The following CDH13 variants were observed in gnomAD, a reference collection of about 807,000 sequenced individuals.
CDH13 encodes cadherin 13.
In CDH13, 24 loss-of-function variants were observed where a neutral mutation model predicts 63.8. The ratio of observed to expected loss-of-function variants is 0.38; its 90% CI spans 0.27 to 0.53. CDH13 has a LOEUF of 0.53. CDH13 is among the 20% of genes least tolerant of loss of function. The pLI is 0.85. For synonymous variants in CDH13, 503 were observed against 355.3 expected, an observed-to-expected ratio of 1.42 and a Z score of -4.67; for missense variants, 1,049 against 903.1, an observed-to-expected ratio of 1.16 and a Z score of -2.07.
At chr16:83,262,084 G>A (rs1331509304) in intron 5 of CDH13, among the ~76,000 whole-genome samples, 1 of 152,174 alleles carries the variant, frequency 6.6e-6, no homozygotes, top group Non-Finnish European at 1.5e-5. Context: ...ATGATTAATA[G>A]CCGTGGAGTT....
rs575784872 is a variant in CDH13, at chr16:83,511,383, A to T, written c.960+24728A>T. On this transcript the variant is annotated intron_variant, in intron 7 of 13. Transcript: ENST00000567109. Reference sequence around the variant, plus strand: ...AGGCTGAAGCAGGAAGATTGCTTGAACCAGGGAGGCCAAGGTTGCAGTGAG... The same window carrying T: ...AGGCTGAAGCAGGAAGATTGCTTGATCCAGGGAGGCCAAGGTTGCAGTGAG... 2.6e-5 allele frequency among the ~76,000 whole-genome samples: 4 copies of T among 151,994 alleles called. No homozygotes were observed. In the East Asian group the frequency reaches 5.8e-4, roughly 22 times the overall value.
At chr16:82,776,940 A>G (rs1296849472) in intron 1 of CDH13, among the ~76,000 whole-genome samples, 1 of 152,324 alleles carries the variant, frequency 6.6e-6, no homozygotes, top group South Asian at 2.1e-4. Context: ...TGTGCCAGAT[A>G]CTATGCTTTT....
rs77903116 is a variant in CDH13, at chr16:82,815,495, A to T, written c.46-42867A>T. On this transcript the variant is annotated intron_variant, in intron 1 of 13. Coordinates refer to ENST00000567109, the MANE Select transcript of CDH13 (RefSeq NM_001257.5). ...AGGTGCTCAGAACAATGCGTGGAAC[A>T]TGGAAAACACTCCCTACATGGGAGA... is the stretch of plus-strand genomic sequence containing the variant. Among the ~76,000 whole-genome samples the T allele has an allele frequency of 3.1e-3, 467 of 152,330 alleles. 4 individuals carry two copies. The highest frequency in any genetic ancestry group is 0.011 in the African/African-American group (454 of 41,572).
intron 5 of CDH13, among the ~76,000 whole-genome samples, chr16:83,337,405 T>A (rs2090622318): frequency 6.6e-6 from 1 of 152,112 alleles, no homozygotes; most frequent in East Asian, 1.9e-4. Context: ...AGCCCCTTTT[T>A]TCCTCCCATT....
chr16:83,760,541 G>A (rs1913879358), intron 11 of CDH13, among the ~76,000 whole-genome samples: 1 of 152,206 alleles, frequency 6.6e-6, no homozygotes, highest in Admixed American at 6.5e-5. Context: ...ACAACATCAT[G>A]GGTGAATCTC....
At chr16:83,119,201 A>C (rs532847873) in intron 3 of CDH13, among the ~76,000 whole-genome samples, 7 of 152,114 alleles carry the variant, frequency 4.6e-5, no homozygotes, top group Non-Finnish European at 1.0e-4. Context: ...TTTTTCTGCT[A>C]CGCTGACTAA....
chr16:82,639,147 A>G (rs1203036653), intron 1 of CDH13, among the ~76,000 whole-genome samples: 1 of 152,024 alleles, frequency 6.6e-6, no homozygotes. Flanking sequence ...CACTCCCCTC[A>G]TTATATAAAA....
intron 5 of CDH13, among the ~76,000 whole-genome samples, chr16:83,260,089 A>C (rs1240362049): frequency 7.9e-6 from 1 of 125,996 alleles, no homozygotes; most frequent in African/African-American, 2.9e-5. Flanking sequence ...GTAACCATGT[A>C]CCCCCAATAC....
At chr16:82,877,046 A>T (rs1407358453) in intron 2 of CDH13, among the ~76,000 whole-genome samples, 1 of 152,212 alleles carries the variant, frequency 6.6e-6, no homozygotes, top group Non-Finnish European at 1.5e-5. Context: ...ATTTATGAGA[A>T]CTCACTTCCA....
chr16:83,374,112 T>A (rs1380318021), intron 6 of CDH13, among the ~76,000 whole-genome samples: 2 of 152,202 alleles, frequency 1.3e-5, no homozygotes, highest in African/African-American at 4.8e-5. Flanking sequence ...AACTTTCTTA[T>A]ATGTTCTTGC....
chr16:83,548,019 G>T (rs2075420227), intron 7 of CDH13, among the ~76,000 whole-genome samples: 1 of 152,154 alleles, frequency 6.6e-6, no homozygotes, highest in East Asian at 1.9e-4. Flanking sequence ...AGAGATTTCA[G>T]TGGGGAGATG....
chr16:83,130,240 G>T (rs2035989281), intron 4 of CDH13, among the ~76,000 whole-genome samples: 1 of 152,136 alleles, frequency 6.6e-6, no homozygotes, highest in Non-Finnish European at 1.5e-5. Flanking sequence ...ACCACATGAG[G>T]ATCATTTTCC....
At chr16:83,067,004 A>G (rs1049871877) in intron 3 of CDH13, among the ~76,000 whole-genome samples, 5 of 152,186 alleles carry the variant, frequency 3.3e-5, no homozygotes, top group Admixed American at 3.3e-4. Flanking sequence ...GAGTACTGCA[A>G]AGTTGCCTCC....
intron 8 of CDH13, among the ~76,000 whole-genome samples, chr16:83,620,052 G>T (rs539408397): frequency 6.6e-6 from 1 of 152,138 alleles, no homozygotes; most frequent in African/African-American, 2.4e-5. Flanking sequence ...CGAGGAGGCT[G>T]GATTTATTCC....
In CDH13 at chr16:82,842,173, CACAT is replaced by C. The variant is rs1195670056; in HGVS notation, c.46-16187_46-16184del. ...ATATATATATATATATACACACACA[CACAT>C]ATATATACACATATATGTATACACA... is the stretch of plus-strand genomic sequence containing the variant. On this transcript the variant is annotated intron_variant, in intron 1 of 13. Transcript: ENST00000567109. Among the ~76,000 whole-genome samples the C allele has an allele frequency of 6.6e-3, 796 of 120,668 alleles. 6 individuals carry two copies. The highest frequency in any genetic ancestry group is 9.6e-3 in the African/African-American group (308 of 32,092). The allele number at this position is 120,668 out of a possible 152,430, so 79.2% of individuals were successfully genotyped here. A position where few individuals can be genotyped will look rare whatever the true frequency, so the allele number is the denominator to read the frequency against.
At chr16:83,348,245 C>T (rs904239475) in intron 6 of CDH13, among the ~76,000 whole-genome samples, 3 of 152,134 alleles carry the variant, frequency 2.0e-5, no homozygotes, top group African/African-American at 7.2e-5. Context: ...CTCTTGTTTC[C>T]ATGTTTTACA....
chr16:83,371,792 A>G, intron 6 of CDH13, among the ~76,000 whole-genome samples: 1 of 152,356 alleles, frequency 6.6e-6, no homozygotes, highest in Non-Finnish European at 1.5e-5. Context: ...CCCTGAATGG[A>G]CAGTGCTTCA....
At chr16:83,181,751 A>C (rs1013762727) in intron 4 of CDH13, among the ~76,000 whole-genome samples, 4 of 152,074 alleles carry the variant, frequency 2.6e-5, no homozygotes, top group African/African-American at 9.7e-5. Context: ...GGAGTCTCTG[A>C]ATGCCTGAAA....
chr16:83,088,699 T>C (rs2033738400), intron 3 of CDH13, among the ~76,000 whole-genome samples: 1 of 152,244 alleles, frequency 6.6e-6, no homozygotes, highest in Non-Finnish European at 1.5e-5. Flanking sequence ...TGGCTCAACA[T>C]GTTTAAAGCT....
Sources: gnomAD v4.1 joint callset for allele counts (sites outside exome capture counted in the v4.1 genomes callset) on GRCh38, gnomAD v4.1.1 for gene constraint, MANE v1.5 for transcripts, NCBI Gene and HGNC (gene_info 2026-07-23, HGNC 2026-07-21) for gene names.